Variants in RTCA observed in about 807,000 individuals in gnomAD.
RTCA encodes the protein RNA terminal phosphate cyclase domain 1.
Under a neutral mutation model 46.1 loss-of-function variants are expected in RTCA, and 37 were observed. The observed-to-expected ratio is 0.80, with a 90% CI of 0.62 to 1.06. The LOEUF is 1.06. RTCA is among the 50% of genes least tolerant of loss of function. The pLI is 0.00. For synonymous variants in RTCA, 164 were observed against 158.3 expected, an observed-to-expected ratio of 1.04 and a Z score of -0.27; for missense variants, 435 against 455.5, an observed-to-expected ratio of 0.95 and a Z score of 0.41.
At position 100,274,924 on chromosome 1, in the gene RTCA, A is replaced by G. The variant is rs759978781; in HGVS notation, c.574A>G (p.Ile192Val). 1.1e-5 allele frequency: 18 copies of G among 1,612,392 alleles called. No individual in the cohort carries two copies. In the Admixed American group the frequency reaches 2.8e-4, roughly 25 times the overall value. Reference protein sequence around the residue: ...NLTERGCVTKIYGRAFVAGVL... With the variant: ...NLTERGCVTKVYGRAFVAGVL... ...AACTGAGCGTGGCTGTGTGACTAAG[A>G]TATATGGAAGAGCTTTCGTTGCTGG... The change falls in exon 6 of 11, where the codon ATA (isoleucine) becomes GTA (valine). Residue 192 changes from isoleucine (I) to valine (V), a missense_variant. By Grantham distance (29) the Ile-to-Val change is conservative (BLOSUM62 3). Coordinates refer to ENST00000370128, the MANE Select transcript of RTCA (RefSeq NM_003729.4).
intron 9 of RTCA, among the ~76,000 whole-genome samples, chr1:100,285,527 A>G (rs1295856293): frequency 1.3e-5 from 2 of 151,954 alleles, no homozygotes; most frequent in East Asian, 1.9e-4. Flanking sequence ...GCAATTGACC[A>G]CTCCTTCCTT....
chr1:100,272,734 T>C (rs1666163249), intron 4 of RTCA, among the ~76,000 whole-genome samples: 1 of 152,120 alleles, frequency 6.6e-6, no homozygotes, highest in Admixed American at 6.6e-5. Context: ...AAAATTAATC[T>C]CTCCTCACCT....
chr1:100,266,978 G>A, intron 2 of RTCA: 1 of 305,940 alleles, frequency 3.3e-6, no homozygotes, highest in African/African-American at 2.1e-5. Context: ...GACGCCAGAG[G>A]AAACCCTGTT....
At chr1:100,267,566 A>G in intron 2 of RTCA, 1 of 1,541,138 alleles carries the variant, frequency 6.5e-7, no homozygotes, top group Non-Finnish European at 8.8e-7. Context: ...GCCATGAGAA[A>G]AGGATCTGCT....
At chr1:100,287,274 A>T in intron 10 of RTCA, 71 bp downstream of exon 10, 1 of 1,082,194 alleles carries the variant, frequency 9.2e-7, no homozygotes, top group Non-Finnish European at 1.3e-6. Context: ...TTAAATTTTA[A>T]TAGGAAACTT....
rs201357991 is a variant in RTCA at position 100,271,287 on chromosome 1, AT to A, written c.414+608del. ...GGTGAAATCCCATCTCTACAAAAAA[AT>A]AATATAAATAAAAAACAAAAAACAC... On this transcript the variant is annotated intron_variant, in intron 4 of 10. Transcript: ENST00000370128. 9.1e-3 allele frequency among the ~76,000 whole-genome samples: 1,387 copies of A among 152,088 alleles called. 21 individuals carry two copies. Among genetic ancestry groups the A allele is most frequent in the African/African-American group, 0.031 (1,288 of 41,484 alleles).
chr1:100,287,554 G>A (rs1220135888), intron 10 of RTCA, among the ~76,000 whole-genome samples: 2 of 152,106 alleles, frequency 1.3e-5, no homozygotes, highest in African/African-American at 4.8e-5. Context: ...GCCTTACAGA[G>A]TAAGTAAAGA....
chr1:100,287,260 T>G, intron 10 of RTCA, 57 bp downstream of exon 10: 1 of 1,299,670 alleles, frequency 7.7e-7, no homozygotes, highest in Non-Finnish European at 1.1e-6. Context: ...TAGCCAATTT[T>G]GGGTTAAATT....
chr1:100,289,264 G>C (rs575102745), intron 10 of RTCA, among the ~76,000 whole-genome samples: 1 of 151,790 alleles, frequency 6.6e-6, no homozygotes, highest in Non-Finnish European at 1.5e-5. Context: ...AAGTAGCTAG[G>C]ACTGCAGCTG....
At chr1:100,268,339 T>A in intron 3 of RTCA, 44 bp downstream of exon 3, 1 of 1,503,434 alleles carries the variant, frequency 6.7e-7, no homozygotes, top group South Asian at 1.2e-5. Flanking sequence ...TGGGTTTAAG[T>A]CCAGGTTTTG....
In RTCA at chr1:100,291,332, A is replaced by C; in HGVS notation, c.1000-71A>C. The C allele has an allele frequency of 3.4e-6, 3 of 890,550 alleles. No individual in the cohort carries two copies. In the South Asian group the frequency reaches 4.9e-5, roughly 15 times the overall value. 55.2% of individuals were successfully genotyped at this position (890,550 alleles called of 1,614,324 possible). On this transcript the variant is annotated intron_variant, in intron 10 of 10. Coordinates refer to ENST00000370128, the MANE Select transcript of RTCA (RefSeq NM_003729.4). Reference sequence around the variant, plus strand: ...GGCTTGACATTAACTCTCTGCCTACATAAGTTGGAGTTGTGGGCTCTTTCC... The same window carrying C: ...GGCTTGACATTAACTCTCTGCCTACCTAAGTTGGAGTTGTGGGCTCTTTCC...
chr1:100,278,470 C>A (rs1468979142), intron 8 of RTCA, among the ~76,000 whole-genome samples: 1 of 152,170 alleles, frequency 6.6e-6, no homozygotes, highest in Non-Finnish European at 1.5e-5. Flanking sequence ...TTTGTAGCAT[C>A]TTTAAAAATG....
chr1:100,289,750 A>T (rs923643909), intron 10 of RTCA, among the ~76,000 whole-genome samples: 6 of 152,094 alleles, frequency 3.9e-5, no homozygotes, highest in African/African-American at 1.4e-4. Flanking sequence ...AAGTGCTATG[A>T]ACCTGTGTAT....
Position 100,274,945 on chromosome 1 carries a change from G to A in RTCA, c.595G>A (p.Ala199Thr). ...VTKIYGRAFV[A>T]GVLPFKVAKD... ...TAAGATATATGGAAGAGCTTTCGTT[G>A]CTGGTGTTTTGCCATTTAAAGTAAG... is the stretch of plus-strand genomic sequence containing the variant. Residue 199 changes from alanine (A) to threonine (T), a missense_variant, in exon 6 of 11, where the codon GCT becomes ACT. By Grantham distance (58) the Ala-to-Thr change is moderately conservative (BLOSUM62 0). Transcript: ENST00000370128. 1 of 1,607,944 alleles carries A rather than the reference G, an allele frequency of 6.2e-7. No individual in the cohort carries two copies. The highest frequency in any genetic ancestry group is 1.3e-5 in the African/African-American group (1 of 74,996).
intron 10 of RTCA, among the ~76,000 whole-genome samples, chr1:100,287,716 G>C (rs1040543496): frequency 1.3e-5 from 2 of 151,774 alleles, no homozygotes; most frequent in African/African-American, 4.8e-5. Context: ...CTGAAATTTA[G>C]TAGAGTTGAC....
At chr1:100,283,947 AAAGAAAAAACAAG>A (rs1557979439) in intron 8 of RTCA, among the ~76,000 whole-genome samples, 9 of 97,144 alleles carry the variant, frequency 9.3e-5, no homozygotes, top group Admixed American at 1.3e-4. Context: ...AAAAAAAAAA[AAAGAAAAAACAAG>A]AAAAAACAAG....
chr1:100,271,431 A>C (rs1032866505), intron 4 of RTCA, among the ~76,000 whole-genome samples: 1 of 152,144 alleles, frequency 6.6e-6, no homozygotes, highest in African/African-American at 2.4e-5. Flanking sequence ...CTATGTTGGC[A>C]CTCCATCCTG....
Position 100,275,658 on chromosome 1 carries a change from G to GT in RTCA, c.676dup (p.Tyr226LeufsTer3). On this transcript the variant is annotated frameshift_variant, in exon 7 of 11. Coordinates refer to ENST00000370128, the MANE Select transcript of RTCA (RefSeq NM_003729.4). LOFTEE classifies it high-confidence loss of function. ...GCATCAGAAAGGAGATCCGGGATTT[G>GT]TATGTTAACATCCAGCCTGTTCAAG... The GT allele has an allele frequency of 6.2e-7, 1 of 1,612,506 alleles. No homozygotes were observed. Among genetic ancestry groups the GT allele is most frequent in the Non-Finnish European group, 8.5e-7 (1 of 1,179,180 alleles).
chr1:100,266,488 C>G (rs545806205), intron 1 of RTCA, 36 bp from the exon 2 acceptor site: 1 of 1,609,362 alleles, frequency 6.2e-7, no homozygotes, highest in Admixed American at 1.7e-5. Flanking sequence ...CACCGGTGTG[C>G]TTACTTCTCT....
Sources: gnomAD v4.1 joint callset for allele counts (sites outside exome capture counted in the v4.1 genomes callset) on GRCh38, gnomAD v4.1.1 for gene constraint, MANE v1.5 for transcripts, NCBI Gene and HGNC (gene_info 2026-07-23, HGNC 2026-07-21) for gene names.